The following SH3BGRL2 variants were observed in gnomAD, a reference collection of about 807,000 sequenced individuals.
SH3BGRL2 encodes the protein SH3 domain-binding glutamic acid-rich-like protein 2.
SH3BGRL2 carries 21 observed loss-of-function variants against 14.8 expected under a neutral mutation model. The observed-to-expected ratio is 1.42, with a 90% confidence interval of 1.01 to 2.05. SH3BGRL2 has a LOEUF of 2.05. Ranked by LOEUF, SH3BGRL2 falls within the 30% of genes most tolerant of loss-of-function variation. SH3BGRL2 has a pLI of 0.00. For synonymous variants in SH3BGRL2, 50 were observed against 47.8 expected (o/e 1.05, Z -0.19); for missense variants, 147 against 130.8 (o/e 1.12, Z -0.61).
the SH3BGRL2 span, among the ~76,000 whole-genome samples, chr6:79,601,466 G>A: frequency 5.2e-3 from 790 of 152,346 alleles, 6 homozygotes; most frequent in African/African-American, 0.018. Context: ...AAAGTGCTGT[G>A]ATTACAGGCG....
chr6:79,588,668 CATT>C, the SH3BGRL2 span, among the ~76,000 whole-genome samples: 1 of 152,092 alleles, frequency 6.6e-6, no homozygotes, highest in African/African-American at 2.4e-5. Flanking sequence ...AATCATATGT[CATT>C]ATTTAATGAA....
In SH3BGRL2 at chr6:79,665,881, C is replaced by T. The variant is rs772223608; in HGVS notation, c.46-7733C>T. 2.6e-5 allele frequency among the ~76,000 whole-genome samples: 4 copies of T among 152,236 alleles called. No homozygotes were observed. The East Asian group carries it at 7.7e-4, about 29-fold the overall frequency. ...TCTTTTGTAAGTCAGCCTCTTTATC[C>T]TTGGCTTGGTAATCTGGTATTTGCT... On this transcript the variant is annotated intron_variant, in intron 1 of 3. Coordinates refer to ENST00000369838, the MANE Select transcript of SH3BGRL2 (RefSeq NM_031469.4).
At position 79,701,711 on chromosome 6, in the gene SH3BGRL2, T is replaced by C. The variant is rs1770461945; in HGVS notation, c.*2202T>C. The C allele has an allele frequency of 6.6e-6, 1 of 151,478 alleles. No individual in the cohort carries two copies. The highest frequency in any genetic ancestry group is 1.5e-5 in the Non-Finnish European group (1 of 67,966). The allele number at this position is 151,478 out of a possible 1,614,324, so 9.4% of individuals were successfully genotyped here. A position where few individuals can be genotyped will look rare whatever the true frequency, so the allele number is the denominator to read the frequency against. On this transcript the variant is annotated 3_prime_UTR_variant, in exon 4 of 4. Coordinates refer to ENST00000369838, the MANE Select transcript of SH3BGRL2 (RefSeq NM_031469.4). ...AGCACAGTGTGTGGCATTTACATGG[T>C]ACCCAGGCTCCACAGAGTACCAAGA...
chr6:79,658,079 G>C (rs1769460914), intron 1 of SH3BGRL2, among the ~76,000 whole-genome samples: 1 of 152,184 alleles, frequency 6.6e-6, no homozygotes, highest in South Asian at 2.1e-4. Flanking sequence ...CTGAAGAACA[G>C]TAGACTGTAA....
the SH3BGRL2 span, among the ~76,000 whole-genome samples, chr6:79,621,333 C>T: frequency 2.0e-5 from 3 of 152,124 alleles, no homozygotes; most frequent in Non-Finnish European, 4.4e-5. Context: ...ATTATTAGGT[C>T]ATGAAGGTAT....
At chr6:79,650,290 A>G (rs1229949026) in intron 1 of SH3BGRL2, among the ~76,000 whole-genome samples, 1 of 152,166 alleles carries the variant, frequency 6.6e-6, no homozygotes, top group Non-Finnish European at 1.5e-5. Flanking sequence ...CCAAAGTTAG[A>G]TAGTTGGAGT....
chr6:79,696,778 T>C (rs1770341210), intron 3 of SH3BGRL2, among the ~76,000 whole-genome samples: 1 of 152,164 alleles, frequency 6.6e-6, no homozygotes, highest in Non-Finnish European at 1.5e-5. Context: ...GTTGTTGCTA[T>C]AAATTAGAAT....
chr6:79,579,946 G>A, the SH3BGRL2 span, among the ~76,000 whole-genome samples: 1 of 152,174 alleles, frequency 6.6e-6, no homozygotes, highest in Non-Finnish European at 1.5e-5. Context: ...TAAAGGGATG[G>A]AGGAAGATCT....
At chr6:79,582,543 C>T in the SH3BGRL2 span, among the ~76,000 whole-genome samples, 7 of 152,244 alleles carry the variant, frequency 4.6e-5, 1 homozygote, top group East Asian at 5.8e-4. Flanking sequence ...GAAAAGGATT[C>T]CCTATTTAAT....
At chr6:79,555,093 A>G in the SH3BGRL2 span, among the ~76,000 whole-genome samples, 1 of 152,164 alleles carries the variant, frequency 6.6e-6, no homozygotes, top group African/African-American at 2.4e-5. Flanking sequence ...AAAGGTGCTA[A>G]GTCATCCCAA....
At chr6:79,662,755 C>T (rs1011794055) in intron 1 of SH3BGRL2, among the ~76,000 whole-genome samples, 1 of 152,098 alleles carries the variant, frequency 6.6e-6, no homozygotes, top group Non-Finnish European at 1.5e-5. Context: ...CAACTTGGTT[C>T]CATTCTCCCC....
intron 1 of SH3BGRL2, among the ~76,000 whole-genome samples, chr6:79,667,460 T>TA (rs397803124): frequency 1.3e-5 from 2 of 151,456 alleles, no homozygotes; most frequent in South Asian, 2.1e-4. Context: ...TTTTTTTTTT[T>TA]AATTGAGACA....
rs779892788 is a variant in SH3BGRL2 at position 79,631,447 on chromosome 6, G to A, written c.-15G>A. Reference sequence around the variant, plus strand: ...GCCCGGGGGGCAAGGGGTCTGTCCCGGGCGCAGCGAGAGGATGGTCATCCG... The same window carrying A: ...GCCCGGGGGGCAAGGGGTCTGTCCCAGGCGCAGCGAGAGGATGGTCATCCG... On this transcript the variant is annotated 5_prime_UTR_variant, in exon 1 of 4. Transcript: ENST00000369838. The A allele has an allele frequency of 1.3e-6, 2 of 1,520,960 alleles. No individual in the cohort carries two copies. The highest frequency in any genetic ancestry group is 2.9e-5 in the African/African-American group (2 of 69,838). The allele number at this position is 1,520,960 out of a possible 1,614,324, so 94.2% of individuals were successfully genotyped here.
chr6:79,590,422 GTGATATATAT>G, the SH3BGRL2 span, among the ~76,000 whole-genome samples: 4 of 46,488 alleles, frequency 8.6e-5, no homozygotes, highest in East Asian at 1.7e-3. Context: ...TAAAGAAAAT[GTGATATATAT>G]ATATATATAT....
At chr6:79,678,072 T>G (rs1259078767) in intron 2 of SH3BGRL2, among the ~76,000 whole-genome samples, 1 of 152,196 alleles carries the variant, frequency 6.6e-6, no homozygotes, top group Non-Finnish European at 1.5e-5. Flanking sequence ...CTTTTCTCTC[T>G]CTCTCTATTC....
chr6:79,546,613 A>G, the SH3BGRL2 span, among the ~76,000 whole-genome samples: 2 of 152,168 alleles, frequency 1.3e-5, no homozygotes, highest in African/African-American at 4.8e-5. Flanking sequence ...TAGGAAGTAC[A>G]AGAAAATAAT....
the SH3BGRL2 span, among the ~76,000 whole-genome samples, chr6:79,564,351 G>A: frequency 6.6e-6 from 1 of 152,246 alleles, no homozygotes; most frequent in Non-Finnish European, 1.5e-5. Flanking sequence ...TGTTAAGAAC[G>A]TAAAACTGCA....
At chr6:79,688,720 G>C (rs1770150252) in intron 2 of SH3BGRL2, among the ~76,000 whole-genome samples, 1 of 151,972 alleles carries the variant, frequency 6.6e-6, no homozygotes, top group South Asian at 2.1e-4. Flanking sequence ...TAAGAAAGCA[G>C]ATTTTTTTAT....
the SH3BGRL2 span, among the ~76,000 whole-genome samples, chr6:79,617,440 C>A: frequency 6.6e-6 from 1 of 152,074 alleles, no homozygotes; most frequent in African/African-American, 2.4e-5. Context: ...AACAATCACT[C>A]CCTATTTATA....
Sources: gnomAD v4.1 joint callset for allele counts (sites outside exome capture counted in the v4.1 genomes callset) on GRCh38, gnomAD v4.1.1 for gene constraint, MANE v1.5 for transcripts, NCBI Gene and HGNC (gene_info 2026-07-23, HGNC 2026-07-21) for gene names.